Variants in SPATA6 observed in about 807,000 individuals in gnomAD.
SPATA6 encodes the protein spermatogenesis-associated protein 6.
A neutral mutation model predicts 65.3 loss-of-function variants in SPATA6; 56 were observed. The ratio of observed to expected loss-of-function variants is 0.86; its 90% CI spans 0.69 to 1.07. The LOEUF is 1.07. Ranked by LOEUF, SPATA6 falls within the 50% of genes least tolerant of loss-of-function variation. The pLI, the probability that SPATA6 is intolerant of heterozygous loss-of-function variation, is 0.00. For missense variants in SPATA6, 590 were observed against 594.8 expected (o/e 0.99, Z 0.08); for synonymous variants, 199 against 213.2 (o/e 0.93, Z 0.58).
chr1:48,347,482 A>G (rs961960952), intron 11 of SPATA6, among the ~76,000 whole-genome samples: 4 of 146,100 alleles, frequency 2.7e-5, no homozygotes, highest in African/African-American at 7.7e-5. Flanking sequence ...TATATATATT[A>G]TTAATGTATA....
At chr1:48,411,754 A>T in intron 4 of SPATA6, 166 bp from the exon 5 acceptor site, 1 of 603,678 alleles carries the variant, frequency 1.7e-6, no homozygotes, top group Non-Finnish European at 2.4e-6. Context: ...TGTTAAAAAT[A>T]TTAACACATT....
intron 1 of SPATA6, among the ~76,000 whole-genome samples, chr1:48,462,177 C>T (rs1264100709): frequency 2.0e-5 from 3 of 151,486 alleles, no homozygotes; most frequent in African/African-American, 7.3e-5. Context: ...GGGAACATCA[C>T]ACTCTGGGGA....
rs532194206 is a variant in SPATA6 at position 48,318,781 on chromosome 1, T to G, written c.1195-12903A>C. ...AAAAATTGAAAAGTTGATCCTAAAATTCATACAGAAATGCAAAGGACCTAG... is the reference window on the plus strand; with the variant it reads ...AAAAATTGAAAAGTTGATCCTAAAAGTCATACAGAAATGCAAAGGACCTAG... On this transcript the variant is annotated intron_variant, in intron 11 of 12. Transcript: ENST00000371847. Among the ~76,000 whole-genome samples, 146 of 152,158 alleles carry G rather than the reference T, an allele frequency of 9.6e-4. 1 individual carries two copies. Among genetic ancestry groups the G allele is most frequent in the African/African-American group, 3.4e-3 (140 of 41,538 alleles).
intron 1 of SPATA6, among the ~76,000 whole-genome samples, chr1:48,460,402 A>G (rs968816092): frequency 2.0e-5 from 3 of 152,246 alleles, no homozygotes; most frequent in African/African-American, 7.2e-5. Flanking sequence ...ACTCAGAAGG[A>G]AATTTCCTCA....
At chr1:48,301,681 G>A (rs938535325) in intron 12 of SPATA6, among the ~76,000 whole-genome samples, 4 of 151,970 alleles carry the variant, frequency 2.6e-5, no homozygotes, top group South Asian at 2.1e-4. Context: ...AACAACAGAC[G>A]AATAGACTAA....
chr1:48,367,833 G>A (rs1392290759), intron 9 of SPATA6, among the ~76,000 whole-genome samples: 1 of 152,112 alleles, frequency 6.6e-6, no homozygotes, highest in Non-Finnish European at 1.5e-5. Flanking sequence ...ATTTGATCCT[G>A]TCATCTTGAT....
chr1:48,264,682 T>C, the SPATA6 span, among the ~76,000 whole-genome samples: 1 of 152,222 alleles, frequency 6.6e-6, no homozygotes, highest in African/African-American at 2.4e-5. Context: ...TCCATGTCCC[T>C]GCAAAGGACA....
At chr1:48,282,468 T>C in the SPATA6 span, among the ~76,000 whole-genome samples, 1,699 of 151,994 alleles carry the variant, frequency 0.011, 15 homozygotes, top group Non-Finnish European at 0.018. Context: ...GAATCTACAA[T>C]GAACTCAAAC....
chr1:48,372,611 C>T (rs1294907485), intron 9 of SPATA6, among the ~76,000 whole-genome samples: 1 of 152,234 alleles, frequency 6.6e-6, no homozygotes, highest in African/African-American at 2.4e-5. Flanking sequence ...CTCCACCAGG[C>T]AGTGCCCCAG....
At chr1:48,381,449 T>A (rs939569709) in intron 9 of SPATA6, among the ~76,000 whole-genome samples, 3 of 152,042 alleles carry the variant, frequency 2.0e-5, no homozygotes, top group Non-Finnish European at 2.9e-5. Flanking sequence ...CACTGGTAGA[T>A]CTGTGTCCCT....
At chr1:48,327,204 T>C (rs1028417035) in intron 11 of SPATA6, among the ~76,000 whole-genome samples, 1 of 152,128 alleles carries the variant, frequency 6.6e-6, no homozygotes, top group African/African-American at 2.4e-5. Context: ...CAGTCATTCC[T>C]CAAAAGAAGA....
intron 9 of SPATA6, among the ~76,000 whole-genome samples, chr1:48,365,836 T>A (rs958317833): frequency 6.6e-6 from 1 of 152,180 alleles, no homozygotes; most frequent in Non-Finnish European, 1.5e-5. Context: ...CTATGTTGAA[T>A]AGGAGTGGTG....
chr1:48,386,553 C>A (rs1439400023), intron 8 of SPATA6, among the ~76,000 whole-genome samples: 1 of 152,074 alleles, frequency 6.6e-6, no homozygotes, highest in Non-Finnish European at 1.5e-5. Flanking sequence ...GCAGACAACA[C>A]CTAAAGCAAG....
intron 9 of SPATA6, among the ~76,000 whole-genome samples, chr1:48,384,746 A>G (rs1649275673): frequency 6.6e-6 from 1 of 152,192 alleles, no homozygotes; most frequent in Non-Finnish European, 1.5e-5. Flanking sequence ...AACAGAGAGC[A>G]TGTCTCAGAG....
intron 5 of SPATA6, among the ~76,000 whole-genome samples, chr1:48,410,366 C>T (rs541288025): frequency 6.6e-6 from 1 of 152,296 alleles, no homozygotes; most frequent in East Asian, 1.9e-4. Context: ...GCATTATAGT[C>T]AAAGCCATTC....
the SPATA6 span, among the ~76,000 whole-genome samples, chr1:48,279,515 A>G: frequency 1.3e-5 from 2 of 152,210 alleles, no homozygotes; most frequent in Non-Finnish European, 2.9e-5. Flanking sequence ...AAACAAAAAA[A>G]GGCAGGGGTT....
rs751433093 is a variant in SPATA6, at chr1:48,411,466, G to A, written c.403C>T (p.Arg135Ter). The A allele has an allele frequency of 9.4e-6, 15 of 1,604,060 alleles. No homozygotes were observed. Among genetic ancestry groups the A allele is most frequent in the East Asian group, 6.7e-5 (3 of 44,620 alleles). The change falls in exon 5 of 13, where the codon CGA becomes TGA. Residue 135 changes from arginine to a stop codon, truncating the protein, a stop_gained and splice_region_variant. Transcript: ENST00000371847. LOFTEE classifies it high-confidence loss of function. ...TTCAGAAAATTGCAAGCACTTACTC[G>A]AAGGCCAGAAATCCTCCTCATGGTA... ...QVTMRRISGLRGNAPRLEFST... is the reference protein window; with the variant it reads ...QVTMRRISGL
chr1:48,299,046 G>A (rs983892179), intron 12 of SPATA6, among the ~76,000 whole-genome samples, 153 bp from the exon 13 acceptor site: 1 of 152,180 alleles, frequency 6.6e-6, no homozygotes, highest in Non-Finnish European at 1.5e-5. Context: ...TGCTTTCAAA[G>A]AGGGACATTT....
downstream of SPATA6, among the ~76,000 whole-genome samples, chr1:48,294,312 G>C (rs72887989): frequency 0.015 from 2,208 of 152,242 alleles, 52 homozygotes; most frequent in African/African-American, 0.05. Flanking sequence ...CCTGACCTCA[G>C]ATGATCCGTC....
Sources: gnomAD v4.1 joint callset for allele counts (sites outside exome capture counted in the v4.1 genomes callset) on GRCh38, gnomAD v4.1.1 for gene constraint, MANE v1.5 for transcripts, NCBI Gene and HGNC (gene_info 2026-07-23, HGNC 2026-07-21) for gene names.